The following SEMA3E variants were observed in gnomAD, a reference collection of about 807,000 sequenced individuals.
SEMA3E encodes semaphorin-3E.
SEMA3E carries 49 observed loss-of-function variants against 93.6 expected under a neutral mutation model. The ratio of observed to expected loss-of-function variants is 0.52; its 90% CI spans 0.42 to 0.66. The LOEUF is 0.66. Among genes scored for constraint, SEMA3E ranks in the 30% least tolerant of loss-of-function variants. The pLI, the probability that SEMA3E is intolerant of heterozygous loss-of-function variation, is 0.00. For synonymous variants in SEMA3E, 363 were observed against 330.7 expected, an observed-to-expected ratio of 1.10 and a Z score of -1.06; for missense variants, 906 against 964.8, an observed-to-expected ratio of 0.94 and a Z score of 0.81.
chr7:83,560,320 C>T (rs215270), intron 1 of SEMA3E, among the ~76,000 whole-genome samples: 3,738 of 151,864 alleles, frequency 0.025, 150 homozygotes, highest in African/African-American at 0.085. Context: ...TGTGTAGGGG[C>T]GGGGAGTATA....
intron 1 of SEMA3E, among the ~76,000 whole-genome samples, chr7:83,514,862 T>C (rs947952740): frequency 3.3e-5 from 5 of 152,152 alleles, no homozygotes; most frequent in African/African-American, 1.2e-4. Context: ...GAGCTAGGAA[T>C]GGTAAAAATA....
intron 4 of SEMA3E, among the ~76,000 whole-genome samples, chr7:83,431,804 T>C (rs943647244): frequency 6.6e-6 from 1 of 152,230 alleles, no homozygotes; most frequent in South Asian, 2.1e-4. Context: ...GTGGCAAATT[T>C]GCGAGAACAT....
intron 1 of SEMA3E, among the ~76,000 whole-genome samples, chr7:83,541,491 C>T (rs1402545598): frequency 1.4e-5 from 2 of 142,884 alleles, no homozygotes; most frequent in African/African-American, 5.0e-5. Flanking sequence ...CTGGGAGCCT[C>T]ACTCTCTGTC....
At chr7:83,394,238 C>A in intron 13 of SEMA3E, 59 bp downstream of exon 13, 1 of 1,553,440 alleles carries the variant, frequency 6.4e-7, no homozygotes, top group Non-Finnish European at 8.8e-7. Context: ...ATCCTTTGAC[C>A]TTACCTTAGC....
intron 1 of SEMA3E, among the ~76,000 whole-genome samples, chr7:83,643,505 AT>A (rs1794040836): frequency 6.6e-6 from 1 of 151,914 alleles, no homozygotes; most frequent in South Asian, 2.1e-4. Flanking sequence ...ATACTAAAAG[AT>A]AACTGTTTTC....
At chr7:83,539,464 CCAATTTTTGATAAT>C (rs1453840181) in intron 1 of SEMA3E, among the ~76,000 whole-genome samples, 2 of 152,040 alleles carry the variant, frequency 1.3e-5, no homozygotes, top group Non-Finnish European at 2.9e-5. Context: ...CCAATTTGTC[CCAATTTTTGATAAT>C]CTCGTACTTC....
At chr7:83,464,342 C>A (rs907289939) in intron 4 of SEMA3E, among the ~76,000 whole-genome samples, 2 of 151,400 alleles carry the variant, frequency 1.3e-5, no homozygotes, top group African/African-American at 4.9e-5. Context: ...AGGCCCCAGT[C>A]TCATTCCAGA....
rs148141045 is a variant in SEMA3E, at chr7:83,488,473, T to G, written c.276+1641A>C. 6.6e-5 allele frequency among the ~76,000 whole-genome samples: 10 copies of G among 152,298 alleles called. No homozygotes were observed. The East Asian group carries it at 1.7e-3, about 26-fold the overall frequency. On this transcript the variant is annotated intron_variant, in intron 2 of 16. Coordinates refer to ENST00000643230, the MANE Select transcript of SEMA3E (RefSeq NM_012431.3). ...TTGAAATTAGAAAGAATCAGACTTC[T>G]CAGCAGCTCTACTAGAAGTTTGGAA...
At chr7:83,473,014 G>C (rs577366284) in intron 2 of SEMA3E, among the ~76,000 whole-genome samples, 1 of 152,272 alleles carries the variant, frequency 6.6e-6, no homozygotes, top group Non-Finnish European at 1.5e-5. Context: ...TGAACTGTGA[G>C]TCAATTAAAC....
chr7:83,482,563 TC>T (rs1185611858), intron 2 of SEMA3E, among the ~76,000 whole-genome samples: 1 of 13,026 alleles, frequency 7.7e-5, no homozygotes, highest in Non-Finnish European at 1.8e-4. Flanking sequence ...ACACTCCGTC[TC>T]AAAAAAAAAA....
chr7:83,437,459 TAAAG>T (rs1369664221), intron 4 of SEMA3E, among the ~76,000 whole-genome samples: 2 of 152,018 alleles, frequency 1.3e-5, no homozygotes, highest in Non-Finnish European at 2.9e-5. Context: ...CTTAAAATTT[TAAAG>T]AAAAAAATCC....
chr7:83,627,521 C>T (rs1310595811), intron 1 of SEMA3E, among the ~76,000 whole-genome samples: 1 of 151,226 alleles, frequency 6.6e-6, no homozygotes, highest in South Asian at 2.1e-4. Flanking sequence ...ATAGTTAGCT[C>T]TTCTTGTTGC....
intron 14 of SEMA3E, among the ~76,000 whole-genome samples, chr7:83,391,698 G>A (rs1039238801): frequency 1.3e-5 from 2 of 151,704 alleles, no homozygotes; most frequent in African/African-American, 4.8e-5. Context: ...CTATATATTT[G>A]AACCTATAAA....
chr7:83,461,161 G>A (rs182227867), intron 4 of SEMA3E, among the ~76,000 whole-genome samples: 1 of 152,226 alleles, frequency 6.6e-6, no homozygotes, highest in African/African-American at 2.4e-5. Context: ...GGTCTGAGGT[G>A]CCTGATGTCC....
rs576792615 is a variant in SEMA3E, at chr7:83,364,102, G to A, written c.*3484C>T. On this transcript the variant is annotated 3_prime_UTR_variant, in exon 17 of 17. Coordinates refer to ENST00000643230, the MANE Select transcript of SEMA3E (RefSeq NM_012431.3). ...GTAGAGACGGGGTTTCACCTTGTTA[G>A]CCAGGATGGTCTCGATCTCCTGACC... 6.7e-6 allele frequency: 1 copy of A among 150,014 alleles called. No individual in the cohort carries two copies. Among genetic ancestry groups the A allele is most frequent in the South Asian group, 2.1e-4 (1 of 4,710 alleles). The allele number at this position is 150,014 out of a possible 1,614,324, so 9.3% of individuals were successfully genotyped here.
chr7:83,559,464 C>T (rs1002714859), intron 1 of SEMA3E, among the ~76,000 whole-genome samples: 4 of 151,868 alleles, frequency 2.6e-5, no homozygotes, highest in Admixed American at 1.3e-4. Context: ...AATGAGCAAA[C>T]GAAAAGATGC....
chr7:83,576,584 G>A (rs1050046052), intron 1 of SEMA3E, among the ~76,000 whole-genome samples: 10 of 151,904 alleles, frequency 6.6e-5, no homozygotes, highest in Admixed American at 2.0e-4. Context: ...AGGCTATGTC[G>A]AAAGAGCATG....
At chr7:83,424,032 C>T (rs1788722486) in intron 4 of SEMA3E, among the ~76,000 whole-genome samples, 1 of 152,090 alleles carries the variant, frequency 6.6e-6, no homozygotes, top group Non-Finnish European at 1.5e-5. Flanking sequence ...ATTGGAACAT[C>T]ACTGCAGTAG....
At chr7:83,487,394 G>C (rs556002039) in intron 2 of SEMA3E, among the ~76,000 whole-genome samples, 4 of 152,112 alleles carry the variant, frequency 2.6e-5, no homozygotes, top group East Asian at 3.9e-4. Context: ...TCAATGAAAA[G>C]GTTGTTAATT....
Sources: gnomAD v4.1 joint callset for allele counts (sites outside exome capture counted in the v4.1 genomes callset) on GRCh38, gnomAD v4.1.1 for gene constraint, MANE v1.5 for transcripts, NCBI Gene and HGNC (gene_info 2026-07-23, HGNC 2026-07-21) for gene names.